The following MFAP3L variants were observed in gnomAD, a reference collection of about 807,000 sequenced individuals.
MFAP3L encodes microfibril associated protein 3 like, also known as microfibrillar-associated protein 3-like.
Under a neutral mutation model 20.0 loss-of-function variants are expected in MFAP3L, and 5 were observed. That is an observed-to-expected ratio of 0.25 (90% CI 0.13 to 0.53). MFAP3L has a LOEUF of 0.53. Ranked by LOEUF, MFAP3L falls within the 20% of genes least tolerant of loss-of-function variation. The pLI, the probability that MFAP3L is intolerant of heterozygous loss-of-function variation, is 0.96. For missense variants in MFAP3L, 409 were observed against 527.5 expected, an observed-to-expected ratio of 0.78 and a Z score of 2.20; for synonymous variants, 219 against 213.0, an observed-to-expected ratio of 1.03 and a Z score of -0.25.
chr4:170,015,320 A>G (rs1196002979), intron 1 of MFAP3L, among the ~76,000 whole-genome samples: 1 of 152,202 alleles, frequency 6.6e-6, no homozygotes, highest in Non-Finnish European at 1.5e-5. Context: ...TGATCATGAC[A>G]ACCAGGAGTA....
At chr4:170,023,524 C>T (rs974191986) in intron 1 of MFAP3L, among the ~76,000 whole-genome samples, 1 of 152,160 alleles carries the variant, frequency 6.6e-6, no homozygotes, top group African/African-American at 2.4e-5. Context: ...AGGTATTATA[C>T]CAAACTTAAA....
chr4:170,005,508 A>G (rs374661672), intron 2 of MFAP3L, 72 bp downstream of exon 2: 1 of 1,473,226 alleles, frequency 6.8e-7, no homozygotes. Flanking sequence ...AGAAGAACTA[A>G]CATCACGGGT....
rs1189366302 is a variant in MFAP3L at position 169,991,701 on chromosome 4, A to T, written c.907T>A (p.Ser303Thr). Residue 303 changes from serine to threonine, a missense_variant, in exon 3 of 3, where the codon TCG becomes ACG. Physicochemically the swap from Ser to Thr is moderately conservative, Grantham distance 58. Coordinates refer to ENST00000361618, the MANE Select transcript of MFAP3L (RefSeq NM_021647.8). This position sits in a 1 kb window ranked among gnomAD's most constrained non-coding sequence, Gnocchi z 4.9. ...TGCTCGTGCAGCGATGAGGCGTCCGAGTCAGCGGCAGGGGAGTCGCTCCGC... is the reference window on the plus strand; with the variant it reads ...TGCTCGTGCAGCGATGAGGCGTCCGTGTCAGCGGCAGGGGAGTCGCTCCGC... Reference protein sequence around the residue: ...LKRSDSPAADSDASSLHEQPQ... With the variant: ...LKRSDSPAADTDASSLHEQPQ... 6.2e-7 allele frequency: 1 copy of T among 1,614,128 alleles called. No individual in the cohort carries two copies. Among genetic ancestry groups the T allele is most frequent in the East Asian group, 2.2e-5 (1 of 44,870 alleles).
intron 1 of MFAP3L, among the ~76,000 whole-genome samples, chr4:170,025,505 T>C (rs1218614376): frequency 5.3e-5 from 8 of 152,238 alleles, no homozygotes; most frequent in Non-Finnish European, 1.0e-4. Flanking sequence ...CAAACCTTTT[T>C]TTGCTACCTT....
intron 1 of MFAP3L, among the ~76,000 whole-genome samples, chr4:170,025,216 A>AT (rs1206405561): frequency 6.6e-6 from 1 of 152,126 alleles, no homozygotes; most frequent in East Asian, 1.9e-4. Flanking sequence ...ATGAAACGAC[A>AT]TTTTTTTCCA....
At chr4:170,002,301 T>C in intron 2 of MFAP3L, 1 of 945,270 alleles carries the variant, frequency 1.1e-6, no homozygotes, top group African/African-American at 1.8e-5. Flanking sequence ...TCATACCCTC[T>C]GGTTTCACCT....
chr4:170,012,383 CA>C (rs1739437648), intron 1 of MFAP3L, among the ~76,000 whole-genome samples: 1 of 152,208 alleles, frequency 6.6e-6, no homozygotes, highest in African/African-American at 2.4e-5. Flanking sequence ...TACTAAAAAC[CA>C]ATGGCTGGCA....
rs749896717 is a variant in MFAP3L, at chr4:169,992,206, C to A, written c.402G>T (p.Val134=). 9.9e-6 allele frequency: 16 copies of A among 1,614,142 alleles called. No homozygotes were observed. The South Asian group carries it at 1.6e-4, about 17-fold the overall frequency. Residue 134 remains valine (V), a synonymous_variant, in exon 3 of 3, where the codon GTG becomes GTT. Transcript: ENST00000361618. This position sits in a 1 kb window ranked among gnomAD's most constrained non-coding sequence, Gnocchi z 4.3. The part of the protein sequence containing the change: ...TCVASNIYGT[V]NNTVTLRVIF... The stretch of plus-strand genomic sequence containing the variant: ...TGACGCGCAAGGTCACCGTGTTGTT[C>A]ACGGTGCCGTAGATGTTAGAAGCCA...
chr4:170,026,663 G>A (rs1177625912), upstream of MFAP3L, among the ~76,000 whole-genome samples: 1 of 151,994 alleles, frequency 6.6e-6, no homozygotes, highest in African/African-American at 2.4e-5. Context: ...GCGGCCCCCA[G>A]AGCCCCACAC....
At chr4:170,016,264 C>T (rs114736274) in intron 1 of MFAP3L, among the ~76,000 whole-genome samples, 7,235 of 152,300 alleles carry the variant, frequency 0.048, 246 homozygotes, top group Non-Finnish European at 0.075. Context: ...TATGGCCTGA[C>T]AGTAGGCCTC....
Position 170,024,444 on chromosome 4 carries a change from G to A in MFAP3L, c.-134+1790C>T, listed in dbSNP as rs182406993. 9.4e-4 allele frequency among the ~76,000 whole-genome samples: 143 copies of A among 152,352 alleles called. 1 individual carries two copies. The highest frequency in any genetic ancestry group is 3.3e-3 in the African/African-American group (137 of 41,582). Reference sequence around the variant, plus strand: ...CTACTTCTACTGGGGAATGTCACCTGAGGATATGAGACCTGCTGTTCAGGA... The same window carrying A: ...CTACTTCTACTGGGGAATGTCACCTAAGGATATGAGACCTGCTGTTCAGGA... On this transcript the variant is annotated intron_variant, in intron 1 of 2. Coordinates refer to ENST00000361618, the MANE Select transcript of MFAP3L (RefSeq NM_021647.8).
At chr4:170,023,768 AC>A (rs1438756638) in intron 1 of MFAP3L, among the ~76,000 whole-genome samples, 5 of 152,242 alleles carry the variant, frequency 3.3e-5, no homozygotes, top group African/African-American at 1.2e-4. Context: ...GTTAAAAGCA[AC>A]TTGGCTACAA....
chr4:169,996,459 C>T (rs1208777388), intron 2 of MFAP3L, among the ~76,000 whole-genome samples: 2 of 152,048 alleles, frequency 1.3e-5, no homozygotes, highest in African/African-American at 2.4e-5. Context: ...AAACAGACTC[C>T]GAGACACAAC....
chr4:170,005,881 C>T lies in MFAP3L; in HGVS notation c.-4G>A. 6.2e-7 allele frequency: 1 copy of T among 1,612,408 alleles called. No individual in the cohort carries two copies. The highest frequency in any genetic ancestry group is 1.7e-4 in the Middle Eastern group (1 of 6,054). On this transcript the variant is annotated 5_prime_UTR_variant, in exon 2 of 3. Transcript: ENST00000361618. ...GATGGCTCTTCAATCGATCCATCTT[C>T]TTTGCTTGCTCTGTAAGGCAATAGA... is the stretch of plus-strand genomic sequence containing the variant.
At position 169,988,823 on chromosome 4, in the gene MFAP3L, C is replaced by G. The variant is rs966881881; in HGVS notation, c.*2555G>C. 6.6e-6 allele frequency: 1 copy of G among 152,122 alleles called. No individual in the cohort carries two copies. The highest frequency in any genetic ancestry group is 1.5e-5 in the Non-Finnish European group (1 of 68,012). 9.4% of individuals were successfully genotyped at this position (152,122 alleles called of 1,614,324 possible). ...AGAAAGTTTTGAAAATCTACATAAG[C>G]TCTCCCCACTGCAGTCTAAAGCAGC... On this transcript the variant is annotated 3_prime_UTR_variant, in exon 3 of 3. Coordinates refer to ENST00000361618, the MANE Select transcript of MFAP3L (RefSeq NM_021647.8).
rs1737545141 is a variant in MFAP3L, at chr4:169,990,000, A to C, written c.*1378T>G. The stretch of plus-strand genomic sequence containing the variant: ...AAAAATCTTTAAAGTCATTGTGAAA[A>C]GGAGCAAGGATGTGAATATTGGTTT... On this transcript the variant is annotated 3_prime_UTR_variant, in exon 3 of 3. Coordinates refer to ENST00000361618, the MANE Select transcript of MFAP3L (RefSeq NM_021647.8). The C allele has an allele frequency of 6.6e-6, 1 of 152,250 alleles. No individual in the cohort carries two copies. The highest frequency in any genetic ancestry group is 1.5e-5 in the Non-Finnish European group (1 of 68,042). 9.4% of individuals were successfully genotyped at this position (152,250 alleles called of 1,614,324 possible). A position where few individuals can be genotyped will look rare whatever the true frequency, so the allele number is the denominator to read the frequency against.
intron 1 of MFAP3L, chr4:170,006,624 C>T (rs1739053341): frequency 6.6e-6 from 1 of 152,158 alleles, no homozygotes; most frequent in Non-Finnish European, 1.5e-5. Flanking sequence ...CTCTTTCCTC[C>T]ACATTACCTG....
chr4:169,998,752 T>C (rs753716157), intron 2 of MFAP3L, among the ~76,000 whole-genome samples: 19 of 152,360 alleles, frequency 1.2e-4, no homozygotes, highest in Non-Finnish European at 2.5e-4. Context: ...TTAGACACTT[T>C]GGCTCTTAAG....
At chr4:170,008,760 T>C (rs1223953751) in intron 1 of MFAP3L, among the ~76,000 whole-genome samples, 1 of 152,150 alleles carries the variant, frequency 6.6e-6, no homozygotes, top group Non-Finnish European at 1.5e-5. Flanking sequence ...CATGTGCACC[T>C]ACCAAACTTG....
Sources: allele counts gnomAD v4.1 joint callset (sites outside exome capture counted in the v4.1 genomes callset), GRCh38; gene constraint gnomAD v4.1.1; non-coding constraint Gnocchi (gnomAD v3.1); transcripts MANE v1.5; gene names NCBI Gene and HGNC (gene_info 2026-07-23, HGNC 2026-07-21).